The following ACTR2 variants were observed in gnomAD, a reference collection of about 807,000 sequenced individuals.
ACTR2 encodes the protein actin related protein 2.
Under a neutral mutation model 50.2 loss-of-function variants are expected in ACTR2, and 5 were observed. That is an observed-to-expected ratio of 0.10 (90% CI 0.05 to 0.21). The LOEUF (loss-of-function observed/expected upper bound fraction) is 0.21, where lower values mean the gene tolerates loss of function less well. ACTR2 is among the 10% of genes least tolerant of loss of function. The probability of loss-of-function intolerance (pLI) is 1.00; values close to 1 mark genes in which losing one functional copy is unlikely to be tolerated. For missense variants in ACTR2, 180 were observed against 480.6 expected (o/e 0.37, Z 5.85); for synonymous variants, 140 against 162.9 (o/e 0.86, Z 1.07).
At chr2:65,233,856 C>G (rs996034362) in intron 1 of ACTR2, among the ~76,000 whole-genome samples, 1 of 152,144 alleles carries the variant, frequency 6.6e-6, no homozygotes, top group Non-Finnish European at 1.5e-5. Flanking sequence ...AATGATCCTC[C>G]TGCCTTGGCC....
chr2:65,251,054 G>T lies in ACTR2; in HGVS notation c.403G>T (p.Gly135Cys), dbSNP rs779587590. The part of the protein sequence containing the change: ...EVMFETYQFS[G>C]VYVAIQAVLT... ...AATGTTTGAAACTTACCAGTTTTCC[G>T]GTGTATATGTAGCCATCCAGGCAGT... The change falls in exon 4 of 9, where the codon GGT becomes TGT. Residue 135 changes from glycine (G) to cysteine (C), a missense_variant. Coordinates refer to ENST00000260641, the MANE Select transcript of ACTR2 (RefSeq NM_005722.4). 1 of 1,604,894 alleles carries T rather than the reference G, an allele frequency of 6.2e-7. No individual in the cohort carries two copies. Among genetic ancestry groups the T allele is most frequent in the Non-Finnish European group, 8.5e-7 (1 of 1,175,782 alleles).
intron 3 of ACTR2, 29 bp from the exon 4 acceptor site, chr2:65,250,998 A>G (rs1395422882): frequency 6.7e-7 from 1 of 1,490,186 alleles, no homozygotes; most frequent in Non-Finnish European, 9.2e-7. Flanking sequence ...TCTAAATACC[A>G]GTTTTTTTCT....
intron 1 of ACTR2, among the ~76,000 whole-genome samples, chr2:65,230,481 G>A (rs533288691): frequency 8.2e-5 from 12 of 146,862 alleles, no homozygotes; most frequent in African/African-American, 2.3e-4. Context: ...GCGTGATCTC[G>A]GCTCTCTGCA....
chr2:65,235,995 A>G (rs1479817111), intron 1 of ACTR2, among the ~76,000 whole-genome samples: 2 of 152,110 alleles, frequency 1.3e-5, no homozygotes, highest in Non-Finnish European at 2.9e-5. Context: ...TTTCAGACGA[A>G]TTTTTCATAA....
Position 65,268,985 on chromosome 2 carries a change from C to T in ACTR2, c.*251C>T. 1 of 396,362 alleles carries T rather than the reference C, an allele frequency of 2.5e-6. No homozygotes were observed. The highest frequency in any genetic ancestry group is 4.6e-6 in the Non-Finnish European group (1 of 219,230). 24.6% of individuals were successfully genotyped at this position (396,362 alleles called of 1,614,324 possible). A position where few individuals can be genotyped will look rare whatever the true frequency, so the allele number is the denominator to read the frequency against. ...GATTCTGTCTGCTGCTTTGTTTCTTCTAAGTAGGCATTTAGATCATTCCTA... is the reference window on the plus strand; with the variant it reads ...GATTCTGTCTGCTGCTTTGTTTCTTTTAAGTAGGCATTTAGATCATTCCTA... On this transcript the variant is annotated 3_prime_UTR_variant, in exon 9 of 9. Coordinates refer to ENST00000260641, the MANE Select transcript of ACTR2 (RefSeq NM_005722.4).
intron 8 of ACTR2, 118 bp from the exon 9 acceptor site, chr2:65,268,446 A>G (rs1672427298): frequency 2.6e-6 from 2 of 776,442 alleles, no homozygotes; most frequent in Non-Finnish European, 4.0e-6. Context: ...ATTACGTTCT[A>G]CTTATATTAC....
chr2:65,261,612 T>A (rs1193142087), intron 7 of ACTR2, among the ~76,000 whole-genome samples: 1 of 152,244 alleles, frequency 6.6e-6, no homozygotes, highest in Admixed American at 6.5e-5. Context: ...ATGTTCTTCA[T>A]GTTTGCTTTT....
chr2:65,264,983 C>T, intron 7 of ACTR2, 60 bp from the exon 8 acceptor site: 1 of 1,595,922 alleles, frequency 6.3e-7, no homozygotes, highest in South Asian at 1.1e-5. Context: ...GTAACAGTAA[C>T]CCTGAGATAC....
In ACTR2 at chr2:65,227,874, G is replaced by C. The variant is rs762897552; in HGVS notation, c.-36G>C. On this transcript the variant is annotated 5_prime_UTR_variant, in exon 1 of 9. Transcript: ENST00000260641. Reference sequence around the variant, plus strand: ...AACGGCCGGGCGGCGGTGGCTGTAGGTTGTGCGGCTGCAGCGGCTCTTCCC... The same window carrying C: ...AACGGCCGGGCGGCGGTGGCTGTAGCTTGTGCGGCTGCAGCGGCTCTTCCC... 3.3e-6 allele frequency: 5 copies of C among 1,501,572 alleles called. No individual in the cohort carries two copies. The African/African-American group carries it at 7.3e-5, about 22-fold the overall frequency. 93.0% of individuals were successfully genotyped at this position (1,501,572 alleles called of 1,614,324 possible).
chr2:65,253,538 T>C (rs1672092899), intron 4 of ACTR2, among the ~76,000 whole-genome samples, 190 bp from the exon 5 acceptor site: 1 of 133,534 alleles, frequency 7.5e-6, no homozygotes, highest in Non-Finnish European at 1.6e-5. Flanking sequence ...AATAGTAGAC[T>C]AAAAGTCTTA....
intron 7 of ACTR2, 112 bp downstream of exon 7, chr2:65,261,504 C>G (rs1258925988): frequency 4.6e-6 from 5 of 1,081,152 alleles, no homozygotes; most frequent in African/African-American, 3.2e-5. Context: ...AGTTTATAAA[C>G]TTACTTGAAA....
intron 1 of ACTR2, chr2:65,228,313 A>G (rs1219921544): frequency 4.1e-6 from 1 of 245,580 alleles, no homozygotes; most frequent in Admixed American, 5.6e-5. Context: ...GTGTTCCGAG[A>G]AGGGCTCTTT....
chr2:65,234,315 A>G lies in ACTR2; in HGVS notation c.49-5537A>G, dbSNP rs748437090. 2.5e-4 allele frequency among the ~76,000 whole-genome samples: 38 copies of G among 152,252 alleles called. 1 individual carries two copies. Among genetic ancestry groups the G allele is most frequent in the Admixed American group, 3.9e-4 (6 of 15,282 alleles). ...CTTGATGGATGAATATATACCCTGT[A>G]TGAAAACTGGTGCTGAGTTCTATGG... On this transcript the variant is annotated intron_variant, in intron 1 of 8. Coordinates refer to ENST00000260641, the MANE Select transcript of ACTR2 (RefSeq NM_005722.4).
At chr2:65,254,156 A>G (rs1484318350) in intron 5 of ACTR2, among the ~76,000 whole-genome samples, 2 of 152,216 alleles carry the variant, frequency 1.3e-5, no homozygotes, top group Non-Finnish European at 1.5e-5. Context: ...GAGTAGACAG[A>G]TATTTCAAGG....
At chr2:65,267,145 A>G (rs1672387841) in intron 8 of ACTR2, among the ~76,000 whole-genome samples, 2 of 152,212 alleles carry the variant, frequency 1.3e-5, no homozygotes, top group African/African-American at 4.8e-5. Flanking sequence ...AGAGGTGGTC[A>G]TCTATAGCCC....
intron 1 of ACTR2, among the ~76,000 whole-genome samples, chr2:65,237,395 G>A (rs1176466541): frequency 1.3e-5 from 2 of 152,026 alleles, no homozygotes; most frequent in Admixed American, 1.3e-4. Flanking sequence ...ACAATGCCTG[G>A]CCAATTTTTA....
intron 3 of ACTR2, among the ~76,000 whole-genome samples, chr2:65,247,240 A>C (rs912735200): frequency 6.6e-6 from 1 of 152,218 alleles, no homozygotes; most frequent in Admixed American, 6.5e-5. Context: ...CTGATAACAT[A>C]ATATGTATTA....
chr2:65,237,849 G>A (rs565321456), intron 1 of ACTR2, among the ~76,000 whole-genome samples: 33 of 152,152 alleles, frequency 2.2e-4, no homozygotes, highest in Non-Finnish European at 4.7e-4. Flanking sequence ...GCGTGGTGAG[G>A]TACACCTGTA....
chr2:65,246,633 A>C lies in ACTR2; in HGVS notation c.269A>C (p.Asp90Ala). ...TGGGATGACATGAAACACCTGTGGG[A>C]CTACACATTTGGACCAGAGAAACTT... ...RNWDDMKHLW[D>A]YTFGPEKLNI... The change falls in exon 3 of 9, where the codon GAC becomes GCC. Residue 90 changes from aspartate to alanine, a missense_variant. Asp to Ala is a moderately radical substitution (Grantham distance 126). Coordinates refer to ENST00000260641, the MANE Select transcript of ACTR2 (RefSeq NM_005722.4). 1.2e-6 allele frequency: 2 copies of C among 1,613,428 alleles called. No homozygotes were observed. The highest frequency in any genetic ancestry group is 1.7e-6 in the Non-Finnish European group (2 of 1,179,516).
Sources: allele counts gnomAD v4.1 joint callset (sites outside exome capture counted in the v4.1 genomes callset), GRCh38; gene constraint gnomAD v4.1.1; transcripts MANE v1.5; gene names NCBI Gene and HGNC (gene_info 2026-07-23, HGNC 2026-07-21).